The following MAP3K5 variants were observed in gnomAD, a reference collection of about 807,000 sequenced individuals.
MAP3K5 encodes the protein mitogen-activated protein kinase kinase kinase 5.
MAP3K5 carries 56 observed loss-of-function variants against 158.7 expected under a neutral mutation model. The ratio of observed to expected loss-of-function variants is 0.35; its 90% CI spans 0.28 to 0.44. The LOEUF is 0.44. MAP3K5 is among the 20% of genes least tolerant of loss of function. The pLI, the probability that MAP3K5 is intolerant of heterozygous loss-of-function variation, is 1.00. For missense variants in MAP3K5, 1,294 were observed against 1,674.8 expected (o/e 0.77, Z 3.97); for synonymous variants, 579 against 601.7 (o/e 0.96, Z 0.55).
chr6:136,567,803 C>T lies in MAP3K5; in HGVS notation c.3589G>A (p.Asp1197Asn). Residue 1197 changes from aspartate (D) to asparagine (N), a missense_variant, in exon 26 of 30, where the codon GAC becomes AAC. Physicochemically the swap from Asp to Asn is conservative, Grantham distance 23. Transcript: ENST00000359015. ...TGATTTGAAGGCTGTTCCTCATGGT[C>T]ATCTTCTACATCCAAGTCTTCTTGA... ...ADQEDLDVEDDHEEQPSNQTV... is the reference protein window; with the variant it reads ...ADQEDLDVEDNHEEQPSNQTV... The T allele has an allele frequency of 1.2e-6, 2 of 1,614,082 alleles. No individual in the cohort carries two copies. The highest frequency in any genetic ancestry group is 2.2e-5 in the South Asian group (2 of 91,060).
At position 136,613,094 on chromosome 6, in the gene MAP3K5, T is replaced by C; in HGVS notation, c.2415+26A>G. The C allele has an allele frequency of 6.4e-7, 1 of 1,571,098 alleles. No homozygotes were observed. Among genetic ancestry groups the C allele is most frequent in the South Asian group, 1.2e-5 (1 of 82,956 alleles). ...AATAACCCAGCAAAGAAAGAACTCATGAAAATGAATGCTGGTGTACCTCAC... is the reference window on the plus strand; with the variant it reads ...AATAACCCAGCAAAGAAAGAACTCACGAAAATGAATGCTGGTGTACCTCAC... On this transcript the variant is annotated intron_variant, in intron 17 of 29. Transcript: ENST00000359015. This position sits in a 1 kb window ranked among gnomAD's most constrained non-coding sequence, Gnocchi z 4.0.
chr6:136,637,304 A>T, intron 14 of MAP3K5, 21 bp downstream of exon 14: 2 of 1,568,146 alleles, frequency 1.3e-6, no homozygotes, highest in South Asian at 2.2e-5. Context: ...TCTAAATGTA[A>T]ATGGACACCT....
At chr6:136,739,079 GAC>G (rs1344870645) in intron 1 of MAP3K5, among the ~76,000 whole-genome samples, 1 of 152,156 alleles carries the variant, frequency 6.6e-6, no homozygotes, top group African/African-American at 2.4e-5. Flanking sequence ...TTGACGACAT[GAC>G]ACAGGGCATT....
intron 1 of MAP3K5, among the ~76,000 whole-genome samples, chr6:136,743,318 C>G (rs1447085317): frequency 6.6e-6 from 1 of 152,006 alleles, no homozygotes; most frequent in Non-Finnish European, 1.5e-5. Context: ...GGCATGGTGG[C>G]AGGCACCTGT....
intron 4 of MAP3K5, among the ~76,000 whole-genome samples, chr6:136,697,675 G>C (rs1473506113): frequency 6.6e-6 from 1 of 151,124 alleles, no homozygotes; most frequent in Non-Finnish European, 1.5e-5. Flanking sequence ...CCAAAACTTT[G>C]TTTTCCATTT....
Position 136,595,743 on chromosome 6 carries a change from G to A in MAP3K5, c.2879-3129C>T, listed in dbSNP as rs181197514. Among the ~76,000 whole-genome samples, 55 of 152,288 alleles carry A rather than the reference G, an allele frequency of 3.6e-4. No homozygotes were observed. In the East Asian group the frequency reaches 8.9e-3, roughly 25 times the overall value. Reference sequence around the variant, plus strand: ...GAAGACGGCAATTGGGCGGCTGGGCGCGGTGGCTCACGGCTGTAATCCCAG... The same window carrying A: ...GAAGACGGCAATTGGGCGGCTGGGCACGGTGGCTCACGGCTGTAATCCCAG... On this transcript the variant is annotated intron_variant, in intron 21 of 29. Coordinates refer to ENST00000359015, the MANE Select transcript of MAP3K5 (RefSeq NM_005923.4).
At chr6:136,791,595 C>A in intron 1 of MAP3K5, 115 bp downstream of exon 1, 1 of 1,180,304 alleles carries the variant, frequency 8.5e-7, no homozygotes, top group East Asian at 2.4e-5. Flanking sequence ...CTCGCTGCCC[C>A]CAAAGTGGGG....
chr6:136,570,700 C>T (rs551224614), intron 25 of MAP3K5, among the ~76,000 whole-genome samples: 42 of 152,302 alleles, frequency 2.8e-4, no homozygotes, highest in African/African-American at 9.9e-4. Context: ...TTTCTGAGTA[C>T]ACAGTTCAGT....
chr6:136,654,338 A>G lies in MAP3K5; in HGVS notation c.1680+1969T>C, dbSNP rs144718665. Among the ~76,000 whole-genome samples, 78 of 152,312 alleles carry G rather than the reference A, an allele frequency of 5.1e-4. 1 individual carries two copies. In the East Asian group the frequency reaches 0.012, roughly 23 times the overall value. On this transcript the variant is annotated intron_variant, in intron 10 of 29. Coordinates refer to ENST00000359015, the MANE Select transcript of MAP3K5 (RefSeq NM_005923.4). ...AAAATGTTTTAATTCTTTGAGTCCA[A>G]TGGGCAAAAAAATAGTGTCTCACTT...
At chr6:136,637,154 T>G (rs751959473) in intron 14 of MAP3K5, 171 bp downstream of exon 14, 3 of 1,382,228 alleles carry the variant, frequency 2.2e-6, no homozygotes, top group Non-Finnish European at 2.9e-6. Flanking sequence ...CTCCAATGTT[T>G]ACTTTTTAGC....
intron 1 of MAP3K5, among the ~76,000 whole-genome samples, chr6:136,763,928 ACT>A (rs1783858232): frequency 1.3e-5 from 2 of 152,070 alleles, no homozygotes; most frequent in African/African-American, 4.8e-5. Context: ...CCACCTTGAG[ACT>A]CTGCAGAGAG....
chr6:136,615,902 C>G (rs2129092717), intron 15 of MAP3K5, among the ~76,000 whole-genome samples: 1 of 152,090 alleles, frequency 6.6e-6, no homozygotes, highest in African/African-American at 2.4e-5. Context: ...TTTCAATAAG[C>G]TTTTTAGAGT....
Position 136,580,422 on chromosome 6 carries a change from C to T in MAP3K5, c.3412-16G>A, listed in dbSNP as rs753735445. ...CTTTATTGACCTGGAGAGAGAGTGA[C>T]ATTTAGCCTACTTTAATTTTTAATT... is the stretch of plus-strand genomic sequence containing the variant. On this transcript the variant is annotated splice_polypyrimidine_tract_variant and intron_variant, in intron 24 of 29. Transcript: ENST00000359015. The T allele has an allele frequency of 5.3e-6, 8 of 1,517,466 alleles. No homozygotes were observed. The highest frequency in any genetic ancestry group is 1.7e-4 in the Middle Eastern group (1 of 5,872). The allele number at this position is 1,517,466 out of a possible 1,614,324, so 94.0% of individuals were successfully genotyped here. A position where few individuals can be genotyped will look rare whatever the true frequency, so the allele number is the denominator to read the frequency against.
chr6:136,637,345 A>T lies in MAP3K5; in HGVS notation c.1996T>A (p.Cys666Ser), dbSNP rs1777687365. Residue 666 changes from cysteine to serine, a missense_variant, in exon 14 of 30, where the codon TGT becomes AGT. Physicochemically the swap from Cys to Ser is moderately radical, Grantham distance 112 (BLOSUM62 -1). This residue lies in a region of MAP3K5 where 690 missense variants were observed against 870.5 expected (regional missense o/e 0.79). Coordinates refer to ENST00000359015, the MANE Select transcript of MAP3K5 (RefSeq NM_005923.4). ...EKGRSTEEGD[C>S]ESDLLEYDYE... ...ATTACCTCCAGCAAGTCACTTTCAC[A>T]GTCTCCTTCCTCTGTGCTTCTCCCC... is the stretch of plus-strand genomic sequence containing the variant. 1.9e-6 allele frequency: 3 copies of T among 1,611,804 alleles called. No individual in the cohort carries two copies. The highest frequency in any genetic ancestry group is 1.7e-5 in the Admixed American group (1 of 59,994).
At chr6:136,755,772 C>T (rs1405541663) in intron 1 of MAP3K5, among the ~76,000 whole-genome samples, 1 of 151,580 alleles carries the variant, frequency 6.6e-6, no homozygotes, top group African/African-American at 2.4e-5. Flanking sequence ...CTGCTCCAGG[C>T]TAACCGTAAC....
At chr6:136,753,599 C>T (rs990873700) in intron 1 of MAP3K5, among the ~76,000 whole-genome samples, 3 of 152,040 alleles carry the variant, frequency 2.0e-5, no homozygotes, top group Non-Finnish European at 4.4e-5. Flanking sequence ...TCTAAATTAC[C>T]TGAAAATTAA....
intron 21 of MAP3K5, among the ~76,000 whole-genome samples, chr6:136,599,167 A>AG (rs1775764597): frequency 4.7e-5 from 4 of 85,792 alleles, no homozygotes; most frequent in Admixed American, 2.6e-4. Context: ...TCAAAAAAAA[A>AG]AGGGGGGGGG....
At position 136,600,650 on chromosome 6, in the gene MAP3K5, A is replaced by G. The variant is rs565307540; in HGVS notation, c.2878+372T>C. 3.9e-5 allele frequency among the ~76,000 whole-genome samples: 6 copies of G among 152,290 alleles called. No individual in the cohort carries two copies. In the South Asian group the frequency reaches 1.2e-3, roughly 32 times the overall value. Reference sequence around the variant, plus strand: ...CACTAAAAATAGAATGTATCACCCCAAAGATGACAGAGGAAGGTATCTGGC... The same window carrying G: ...CACTAAAAATAGAATGTATCACCCCGAAGATGACAGAGGAAGGTATCTGGC... On this transcript the variant is annotated intron_variant, in intron 21 of 29. Coordinates refer to ENST00000359015, the MANE Select transcript of MAP3K5 (RefSeq NM_005923.4).
intron 26 of MAP3K5, among the ~76,000 whole-genome samples, chr6:136,566,144 A>G (rs1265775029): frequency 2.6e-5 from 4 of 152,300 alleles, no homozygotes; most frequent in Middle Eastern, 3.4e-3. Flanking sequence ...CAGTGGCGCC[A>G]GGGTGGCGAG....
Sources: allele counts gnomAD v4.1 joint callset (sites outside exome capture counted in the v4.1 genomes callset), GRCh38; gene constraint gnomAD v4.1.1; regional missense constraint gnomAD v4.1.1; non-coding constraint Gnocchi (gnomAD v3.1); transcripts MANE v1.5; gene names NCBI Gene and HGNC (gene_info 2026-07-23, HGNC 2026-07-21).